The following ADARB1 variants were observed in gnomAD, a reference collection of about 807,000 sequenced individuals.
The protein encoded by ADARB1 is double-stranded RNA-specific editase 1.
In ADARB1, 10 loss-of-function variants were observed where a neutral mutation model predicts 52.4. That is an observed-to-expected ratio of 0.19 (90% CI 0.12 to 0.32). The LOEUF (loss-of-function observed/expected upper bound fraction) is 0.32. ADARB1 is among the 10% of genes least tolerant of loss of function. ADARB1 has a pLI of 1.00. For synonymous variants in ADARB1, 349 were observed against 371.1 expected, an observed-to-expected ratio of 0.94 and a Z score of 0.68; for missense variants, 643 against 922.3, an observed-to-expected ratio of 0.70 and a Z score of 3.92.
chr21:45,093,508 G>A (rs551945568), intron 1 of ADARB1, among the ~76,000 whole-genome samples: 34 of 152,316 alleles, frequency 2.2e-4, no homozygotes, highest in South Asian at 1.2e-3. Flanking sequence ...CTGACTTGTG[G>A]GTTTTTCTGC....
intron 2 of ADARB1, among the ~76,000 whole-genome samples, chr21:45,154,683 T>G (rs1333210529): frequency 6.6e-6 from 1 of 152,234 alleles, no homozygotes; most frequent in Non-Finnish European, 1.5e-5. Flanking sequence ...AATAATTGAC[T>G]GTTGACTGTG....
intron 8 of ADARB1, among the ~76,000 whole-genome samples, chr21:45,188,039 G>A (rs1157309412): frequency 1.3e-5 from 2 of 151,984 alleles, no homozygotes; most frequent in Non-Finnish European, 2.9e-5. Context: ...GTTTTTTTGG[G>A]AGTCTCAGGA....
At chr21:45,082,331 A>AT (rs2037900557) in intron 1 of ADARB1, among the ~76,000 whole-genome samples, 1 of 152,228 alleles carries the variant, frequency 6.6e-6, no homozygotes, top group African/African-American at 2.4e-5. Flanking sequence ...AACCTTCAAA[A>AT]TTCAAAGTAC....
At chr21:45,185,125 T>C in intron 8 of ADARB1, 34 bp downstream of exon 8, 1 of 1,606,732 alleles carries the variant, frequency 6.2e-7, no homozygotes. Flanking sequence ...GCCACCTCCC[T>C]GCACACAGGA....
chr21:45,129,986 G>C (rs770699105), intron 2 of ADARB1, among the ~76,000 whole-genome samples: 65 of 152,284 alleles, frequency 4.3e-4, no homozygotes, highest in Non-Finnish European at 4.9e-4. Context: ...CCAAGTATGG[G>C]AAGGTCAAAA....
chr21:45,192,265 A>G (rs543087594), intron 8 of ADARB1, among the ~76,000 whole-genome samples: 1 of 152,286 alleles, frequency 6.6e-6, no homozygotes, highest in East Asian at 1.9e-4. Context: ...TTTCAAAGAG[A>G]AGGTATGGGA....
intron 1 of ADARB1, among the ~76,000 whole-genome samples, chr21:45,078,948 G>A (rs8129315): frequency 0.3 from 46,063 of 152,016 alleles, 7,857 homozygotes; most frequent in Non-Finnish European, 0.39. Flanking sequence ...GCACAGAGTG[G>A]TTAAGTGATT....
intron 1 of ADARB1, among the ~76,000 whole-genome samples, chr21:45,116,306 C>T (rs1247816796): frequency 6.6e-6 from 1 of 152,268 alleles, no homozygotes; most frequent in South Asian, 2.1e-4. Flanking sequence ...AGCAGCACCC[C>T]TGCGTGCCTT....
At chr21:45,179,507 A>G (rs2091841211) in intron 4 of ADARB1, among the ~76,000 whole-genome samples, 3 of 152,198 alleles carry the variant, frequency 2.0e-5, no homozygotes, top group Non-Finnish European at 4.4e-5. Flanking sequence ...CCATGGGCTC[A>G]TTATATCCAA....
At chr21:45,180,255 C>G (rs574797961) in intron 4 of ADARB1, 75 bp from the exon 5 acceptor site, 28 of 1,015,602 alleles carry the variant, frequency 2.8e-5, no homozygotes, top group Non-Finnish European at 3.7e-5. Context: ...AGGGAGAGTG[C>G]GTGCAGCATT....
intron 8 of ADARB1, among the ~76,000 whole-genome samples, chr21:45,188,227 C>T (rs1425959603): frequency 1.3e-5 from 2 of 152,144 alleles, no homozygotes; most frequent in Admixed American, 6.5e-5. Flanking sequence ...CTGCTTCAGC[C>T]TCCCGAGTAG....
chr21:45,221,900 G>T lies in ADARB1; in HGVS notation c.1927-118G>T. 1.8e-6 allele frequency: 2 copies of T among 1,142,328 alleles called. No individual in the cohort carries two copies. Among genetic ancestry groups the T allele is most frequent in the Non-Finnish European group, 2.5e-6 (2 of 805,176 alleles). The allele number at this position is 1,142,328 out of a possible 1,614,324, so 70.8% of individuals were successfully genotyped here. On this transcript the variant is annotated intron_variant, in intron 10 of 10. Transcript: ENST00000348831. The surrounding 1 kb of genome is among the most constrained non-coding windows in gnomAD (Gnocchi z 4.9). ...CTTGGCAGAAGGCGCCTTCCTCTGGGTTGCTTTCCCCCCAGAAGCCAATGC... is the reference window on the plus strand; with the variant it reads ...CTTGGCAGAAGGCGCCTTCCTCTGGTTTGCTTTCCCCCCAGAAGCCAATGC...
chr21:45,152,608 C>A, intron 2 of ADARB1: 1 of 430,332 alleles, frequency 2.3e-6, no homozygotes, highest in Non-Finnish European at 4.7e-6. Flanking sequence ...GGCGTGTCTG[C>A]ATGGCGTCGT....
At chr21:45,077,472 T>G (rs1287355678) in intron 1 of ADARB1, among the ~76,000 whole-genome samples, 1 of 152,064 alleles carries the variant, frequency 6.6e-6, no homozygotes, top group Non-Finnish European at 1.5e-5. Flanking sequence ...GAGACCATCC[T>G]TGCTAACACG....
In ADARB1 at chr21:45,204,542, C is replaced by A. The variant is rs780123917; in HGVS notation, c.1566-13C>A. The A allele has an allele frequency of 3.1e-6, 5 of 1,613,548 alleles. No individual in the cohort carries two copies. The South Asian group carries it at 5.5e-5, about 18-fold the overall frequency. On this transcript the variant is annotated splice_polypyrimidine_tract_variant and intron_variant, in intron 8 of 10. Transcript: ENST00000348831. The surrounding 1 kb of genome is among the most constrained non-coding windows in gnomAD (Gnocchi z 4.4). ...CCGAGCTCCCTGAAGACTGTGCTTT[C>A]TTCTCCCTCCAGCTGGAACGTGGTG...
Position 45,225,842 on chromosome 21 carries a change from G to C in ADARB1, c.*3645G>C, listed in dbSNP as rs144872642. 58 of 350,930 alleles carry C rather than the reference G, an allele frequency of 1.7e-4. No individual in the cohort carries two copies. In the East Asian group the frequency reaches 2.1e-3, roughly 13 times the overall value. The allele number at this position is 350,930 out of a possible 1,614,324, so 21.7% of individuals were successfully genotyped here. On this transcript the variant is annotated 3_prime_UTR_variant, in exon 11 of 11. Transcript: ENST00000348831. ...GTAAGTGGAAAGGGCATTGTGTTCC[G>C]TGTGTGTCCAGTTTACAGCGTCTCT...
At chr21:45,205,229 C>T (rs1200507751) in intron 9 of ADARB1, among the ~76,000 whole-genome samples, 1 of 151,886 alleles carries the variant, frequency 6.6e-6, no homozygotes, top group East Asian at 1.9e-4. Context: ...CCACTGCACT[C>T]CAGCCTGGAC....
At chr21:45,075,717 C>T (rs2085905144) in intron 1 of ADARB1, among the ~76,000 whole-genome samples, 1 of 152,216 alleles carries the variant, frequency 6.6e-6, no homozygotes, top group Admixed American at 6.5e-5. Context: ...AAAACCTAAC[C>T]TAAAACGTGT....
chr21:45,182,929 T>C (rs532732666), intron 6 of ADARB1, among the ~76,000 whole-genome samples, 176 bp downstream of exon 6: 2 of 152,320 alleles, frequency 1.3e-5, no homozygotes, highest in South Asian at 2.1e-4. Flanking sequence ...AACACACATA[T>C]GCACACATAC....
Sources: allele counts gnomAD v4.1 joint callset (sites outside exome capture counted in the v4.1 genomes callset), GRCh38; gene constraint gnomAD v4.1.1; non-coding constraint Gnocchi (gnomAD v3.1); transcripts MANE v1.5; gene names NCBI Gene and HGNC (gene_info 2026-07-23, HGNC 2026-07-21).